The following SLC25A48 variants were observed in gnomAD, a reference collection of about 807,000 sequenced individuals.
The protein encoded by SLC25A48 is solute carrier family 25 member 48, also known as CTC-321K16.1.
In SLC25A48, 29 loss-of-function variants were observed where a neutral mutation model predicts 32.2. The ratio of observed to expected loss-of-function variants is 0.90; its 90% CI spans 0.67 to 1.23. SLC25A48 has a LOEUF of 1.23. Ranked by LOEUF, SLC25A48 falls within the 50% of genes most tolerant of loss-of-function variation. SLC25A48 has a pLI of 0.00. For synonymous variants in SLC25A48, 164 were observed against 172.3 expected, an observed-to-expected ratio of 0.95 and a Z score of 0.38; for missense variants, 399 against 422.7, an observed-to-expected ratio of 0.94 and a Z score of 0.49.
chr5:135,663,294 T>A (rs534541331), intron 3 of SLC25A48, among the ~76,000 whole-genome samples: 3 of 152,280 alleles, frequency 2.0e-5, no homozygotes, highest in Non-Finnish European at 4.4e-5. Flanking sequence ...TAGAACAGAG[T>A]TTCTCAGCCT....
intron 1 of SLC25A48, among the ~76,000 whole-genome samples, chr5:135,611,811 G>A (rs1752079359): frequency 6.6e-6 from 1 of 152,174 alleles, no homozygotes; most frequent in African/African-American, 2.4e-5. Context: ...GCAACAATGT[G>A]ATAAGAATGT....
intron 3 of SLC25A48, among the ~76,000 whole-genome samples, chr5:135,727,837 T>C (rs1268307440): frequency 6.6e-6 from 1 of 152,192 alleles, no homozygotes; most frequent in South Asian, 2.1e-4. Flanking sequence ...AGTGATTCTT[T>C]CCATTTTATT....
chr5:135,658,614 A>G (rs1176453215), intron 3 of SLC25A48, among the ~76,000 whole-genome samples: 1 of 152,166 alleles, frequency 6.6e-6, no homozygotes, highest in Non-Finnish European at 1.5e-5. Flanking sequence ...CCAACCCCAC[A>G]TGTCTCCTCT....
Position 135,672,824 on chromosome 5 carries a change from T to C in SLC25A48, c.-521+37868T>C, listed in dbSNP as rs574255633. 1.5e-4 allele frequency among the ~76,000 whole-genome samples: 23 copies of C among 152,326 alleles called. No individual in the cohort carries two copies. In the South Asian group the frequency reaches 4.8e-3, roughly 32 times the overall value. On this transcript the variant is annotated intron_variant, in intron 3 of 10. Transcript: ENST00000646290. ...CCACAACTACAATCAAGATTATAAA[T>C]GTATCCATCACTCCTAACAGATTGC... is the stretch of plus-strand genomic sequence containing the variant.
intron 3 of SLC25A48, among the ~76,000 whole-genome samples, chr5:135,755,132 G>A (rs569955847): frequency 2.0e-5 from 3 of 151,662 alleles, no homozygotes; most frequent in South Asian, 2.1e-4. Flanking sequence ...ATGAAATATT[G>A]CAGCGTTATT....
chr5:135,815,331 C>T (rs1757687986), intron 4 of SLC25A48, among the ~76,000 whole-genome samples: 2 of 152,204 alleles, frequency 1.3e-5, no homozygotes, highest in Admixed American at 1.3e-4. Context: ...AGGGTTTGTG[C>T]TCCTATGAGA....
At position 135,612,799 on chromosome 5, in the gene SLC25A48, C is replaced by T. The variant is rs149940085; in HGVS notation, c.-848-16438C>T. ...TATGCATATGTGGTTTAGTATACCACGTTTTCTTTATGCATTTGTCCATTG... is the reference window on the plus strand; with the variant it reads ...TATGCATATGTGGTTTAGTATACCATGTTTTCTTTATGCATTTGTCCATTG... On this transcript the variant is annotated intron_variant, in intron 1 of 10. Coordinates refer to the SLC25A48 transcript ENST00000646290. 5.9e-5 allele frequency among the ~76,000 whole-genome samples: 9 copies of T among 152,236 alleles called. No individual in the cohort carries two copies. In the East Asian group the frequency reaches 9.6e-4, roughly 16 times the overall value.
rs1441316430 is a variant in SLC25A48 at position 135,783,169 on chromosome 5, C to T, written c.-520-29354C>T. Among the ~76,000 whole-genome samples the T allele has an allele frequency of 1.4e-4, 9 of 62,980 alleles. 1 individual carries two copies. Among genetic ancestry groups the T allele is most frequent in the African/African-American group, 5.1e-4 (8 of 15,762 alleles). The allele number at this position is 62,980 out of a possible 152,430, so 41.3% of individuals were successfully genotyped here. On this transcript the variant is annotated intron_variant, in intron 3 of 10. Coordinates refer to the SLC25A48 transcript ENST00000646290. ...ATATTACCCCCAATATCGCACAGGGCGTACACTTTCCTTGTGATATTGTTC... is the reference window on the plus strand; with the variant it reads ...ATATTACCCCCAATATCGCACAGGGTGTACACTTTCCTTGTGATATTGTTC...
chr5:135,693,765 G>T (rs549720936), intron 3 of SLC25A48, among the ~76,000 whole-genome samples: 1 of 152,268 alleles, frequency 6.6e-6, no homozygotes, highest in South Asian at 2.1e-4. Context: ...AAAAGGAGGG[G>T]GTCTGAGGGA....
In SLC25A48 at chr5:135,624,359, T is replaced by G. The variant is rs539971824; in HGVS notation, c.-848-4878T>G. On this transcript the variant is annotated intron_variant, in intron 1 of 10. Transcript: ENST00000646290. ...AAATATTTTAGGTTCTATACAAACT[T>G]AGAAATGTCAATTGTTTTGTGTTTG... Among the ~76,000 whole-genome samples, 8 of 152,266 alleles carry G rather than the reference T, an allele frequency of 5.3e-5. No homozygotes were observed. The South Asian group carries it at 1.7e-3, about 32-fold the overall frequency.
chr5:135,597,603 A>G (rs1363766139), intron 1 of SLC25A48, among the ~76,000 whole-genome samples: 1 of 152,212 alleles, frequency 6.6e-6, no homozygotes, highest in Non-Finnish European at 1.5e-5. Context: ...CCTCACTTCT[A>G]CTTCTCAAAT....
At chr5:135,691,658 C>T (rs1580788677) in intron 3 of SLC25A48, among the ~76,000 whole-genome samples, 1 of 152,224 alleles carries the variant, frequency 6.6e-6, no homozygotes, top group Admixed American at 6.5e-5. Context: ...AATGACCTTG[C>T]TCTTTTTGCA....
chr5:135,624,258 C>T (rs982787600), intron 1 of SLC25A48, among the ~76,000 whole-genome samples: 1 of 152,146 alleles, frequency 6.6e-6, no homozygotes, highest in African/African-American at 2.4e-5. Flanking sequence ...ACATTTCCGT[C>T]CCAGAGCATC....
chr5:135,820,330 G>A (rs565730200), intron 4 of SLC25A48, among the ~76,000 whole-genome samples: 1 of 152,210 alleles, frequency 6.6e-6, no homozygotes, highest in Admixed American at 6.5e-5. Flanking sequence ...GTGTGATTCC[G>A]TGTATTCTAG....
intron 1 of SLC25A48, among the ~76,000 whole-genome samples, chr5:135,624,244 G>A (rs568742506): frequency 6.6e-6 from 1 of 152,324 alleles, no homozygotes; most frequent in Non-Finnish European, 1.5e-5. Context: ...GGGGCACAGT[G>A]TTGACATTTC....
chr5:135,719,505 G>A (rs909697705), intron 3 of SLC25A48, among the ~76,000 whole-genome samples: 4 of 152,048 alleles, frequency 2.6e-5, no homozygotes, highest in Non-Finnish European at 5.9e-5. Context: ...GAGAGGTAGT[G>A]GGGGGACACC....
chr5:135,703,496 G>T (rs965475490), intron 3 of SLC25A48, among the ~76,000 whole-genome samples: 1 of 152,144 alleles, frequency 6.6e-6, no homozygotes, highest in Non-Finnish European at 1.5e-5. Context: ...CTAACAGGGT[G>T]GGCATTTTAA....
intron 5 of SLC25A48, among the ~76,000 whole-genome samples, chr5:135,873,450 T>A (rs2126810881): frequency 6.6e-6 from 1 of 152,310 alleles, no homozygotes; most frequent in African/African-American, 2.4e-5. Context: ...AAAGAGATTT[T>A]TCAAAAAGCT....
chr5:135,683,095 C>T (rs966485360), intron 3 of SLC25A48, among the ~76,000 whole-genome samples: 12 of 152,206 alleles, frequency 7.9e-5, no homozygotes, highest in African/African-American at 2.9e-4. Flanking sequence ...ACTGTTAACA[C>T]TGCTTCCATT....
Sources: gnomAD v4.1 joint callset for allele counts (sites outside exome capture counted in the v4.1 genomes callset) on GRCh38, gnomAD v4.1.1 for gene constraint, MANE v1.5 for transcripts, NCBI Gene and HGNC (gene_info 2026-07-23, HGNC 2026-07-21) for gene names.